The following GALNT13 variants were observed in gnomAD, a reference collection of about 807,000 sequenced individuals.
GALNT13 encodes polypeptide N-acetylgalactosaminyltransferase 13, also known as UDP-GalNAc:polypeptide N-acetylgalactosaminyltransferase 13.
In GALNT13, 28 loss-of-function variants were observed where a neutral mutation model predicts 64.2. The observed-to-expected ratio is 0.44, with a 90% CI of 0.32 to 0.60. The LOEUF is 0.60. Among genes scored for constraint, GALNT13 ranks in the 20% least tolerant of loss-of-function variants. The pLI, the probability that GALNT13 is intolerant of heterozygous loss-of-function variation, is 0.05. For missense variants in GALNT13, 577 were observed against 669.8 expected, an observed-to-expected ratio of 0.86 and a Z score of 1.53; for synonymous variants, 214 against 224.6, an observed-to-expected ratio of 0.95 and a Z score of 0.42.
chr2:153,859,092 T>C, the GALNT13 span, among the ~76,000 whole-genome samples: 3 of 152,276 alleles, frequency 2.0e-5, no homozygotes, highest in Admixed American at 2.0e-4. Flanking sequence ...CACGCAACCA[T>C]TGGAGGTCTT....
intron 11 of GALNT13, among the ~76,000 whole-genome samples, chr2:154,416,889 G>A (rs1188972736): frequency 6.6e-6 from 1 of 152,120 alleles, no homozygotes; most frequent in Admixed American, 6.6e-5. Context: ...AGGCGTCAAA[G>A]TTGTACCATA....
chr2:154,272,601 T>A (rs1217043148), intron 8 of GALNT13, among the ~76,000 whole-genome samples: 3 of 152,106 alleles, frequency 2.0e-5, no homozygotes, highest in Non-Finnish European at 4.4e-5. Flanking sequence ...ATATGAAGAA[T>A]GTTAATGTGC....
the GALNT13 span, among the ~76,000 whole-genome samples, chr2:153,163,825 C>T: frequency 6.6e-6 from 1 of 152,054 alleles, no homozygotes; most frequent in Admixed American, 6.5e-5. Context: ...CGAGACCATC[C>T]TGGCTAACAC....
chr2:153,259,133 T>C, the GALNT13 span, among the ~76,000 whole-genome samples: 1 of 152,196 alleles, frequency 6.6e-6, no homozygotes, highest in Non-Finnish European at 1.5e-5. Context: ...ATATTTAAAA[T>C]TGTTATGTCC....
chr2:154,034,317 AG>A (rs1172272787), intron 3 of GALNT13, among the ~76,000 whole-genome samples: 1 of 152,226 alleles, frequency 6.6e-6, no homozygotes, highest in Non-Finnish European at 1.5e-5. Flanking sequence ...ATACACACAC[AG>A]GGTAACAAAC....
At chr2:153,922,150 G>A (rs1271543978) in intron 2 of GALNT13, among the ~76,000 whole-genome samples, 1 of 152,110 alleles carries the variant, frequency 6.6e-6, no homozygotes, top group Non-Finnish European at 1.5e-5. Flanking sequence ...GAGTAGAGCT[G>A]AATGGATGTG....
chr2:153,099,643 G>A, the GALNT13 span, among the ~76,000 whole-genome samples: 1 of 152,262 alleles, frequency 6.6e-6, no homozygotes, highest in Admixed American at 6.5e-5. Flanking sequence ...CAAGATGTGG[G>A]TAAATTATAG....
chr2:153,658,084 A>C, the GALNT13 span, among the ~76,000 whole-genome samples: 1 of 152,120 alleles, frequency 6.6e-6, no homozygotes, highest in Non-Finnish European at 1.5e-5. Context: ...TGTCTGACTC[A>C]TTCAAGACCC....
chr2:153,130,086 G>A, the GALNT13 span, among the ~76,000 whole-genome samples: 1 of 152,106 alleles, frequency 6.6e-6, no homozygotes, highest in African/African-American at 2.4e-5. Context: ...AATACCAAGT[G>A]CATCAGCGAA....
chr2:153,573,650 G>A, the GALNT13 span, among the ~76,000 whole-genome samples: 1 of 151,960 alleles, frequency 6.6e-6, no homozygotes, highest in Non-Finnish European at 1.5e-5. Context: ...GATACTATGT[G>A]ATAACACATT....
At chr2:153,888,197 A>G (rs2105260449) in intron 1 of GALNT13, among the ~76,000 whole-genome samples, 1 of 152,126 alleles carries the variant, frequency 6.6e-6, no homozygotes, top group Non-Finnish European at 1.5e-5. Context: ...GCTGGTGGGA[A>G]TTTAATGATG....
chr2:153,929,976 A>G (rs1690403967), intron 2 of GALNT13, among the ~76,000 whole-genome samples: 1 of 152,112 alleles, frequency 6.6e-6, no homozygotes, highest in African/African-American at 2.4e-5. Flanking sequence ...CAGTGTATAA[A>G]CATTCCCTTT....
At chr2:153,502,884 C>G in the GALNT13 span, among the ~76,000 whole-genome samples, 1 of 151,876 alleles carries the variant, frequency 6.6e-6, no homozygotes, top group South Asian at 2.1e-4. Flanking sequence ...TGTATGTCTT[C>G]TTTTGAGAAT....
At chr2:153,688,838 T>A in the GALNT13 span, among the ~76,000 whole-genome samples, 1 of 152,062 alleles carries the variant, frequency 6.6e-6, no homozygotes, top group South Asian at 2.1e-4. Context: ...TATTGTTTTA[T>A]CTTGATGAAT....
intron 3 of GALNT13, among the ~76,000 whole-genome samples, chr2:154,027,085 A>C (rs1334032093): frequency 6.6e-6 from 1 of 152,176 alleles, no homozygotes; most frequent in Non-Finnish European, 1.5e-5. Flanking sequence ...GAAGATTCAA[A>C]AGTATTAAAT....
Position 154,349,568 on chromosome 2 carries a change from A to G in GALNT13, c.1157-46423A>G, listed in dbSNP as rs144386332. Among the ~76,000 whole-genome samples the G allele has an allele frequency of 2.5e-4, 38 of 152,352 alleles. No homozygotes were observed. The East Asian group carries it at 2.9e-3, about 12-fold the overall frequency. Reference sequence around the variant, plus strand: ...TCAAACATTAAAGCTGCCACAAGTCATCTTTTAGTATGTGGATGAGCATGG... The same window carrying G: ...TCAAACATTAAAGCTGCCACAAGTCGTCTTTTAGTATGTGGATGAGCATGG... On this transcript the variant is annotated intron_variant, in intron 9 of 12. Coordinates refer to ENST00000392825, the MANE Select transcript of GALNT13 (RefSeq NM_052917.4).
At chr2:153,665,868 T>G in the GALNT13 span, among the ~76,000 whole-genome samples, 1 of 152,104 alleles carries the variant, frequency 6.6e-6, no homozygotes, top group Non-Finnish European at 1.5e-5. Flanking sequence ...GGAACAGGAC[T>G]CCAGGCAGTG....
the GALNT13 span, among the ~76,000 whole-genome samples, chr2:153,222,190 A>G: frequency 6.6e-6 from 1 of 150,378 alleles, no homozygotes; most frequent in African/African-American, 2.4e-5. Flanking sequence ...TGAAGTGGGT[A>G]GCTCCTTTCC....
intron 2 of GALNT13, among the ~76,000 whole-genome samples, chr2:153,939,873 A>G (rs1220094396): frequency 6.6e-6 from 1 of 152,160 alleles, no homozygotes; most frequent in African/African-American, 2.4e-5. Flanking sequence ...GAGTAGGAAA[A>G]CCAAGGCATT....
Sources: allele counts gnomAD v4.1 joint callset (sites outside exome capture counted in the v4.1 genomes callset), GRCh38; gene constraint gnomAD v4.1.1; transcripts MANE v1.5; gene names NCBI Gene and HGNC (gene_info 2026-07-23, HGNC 2026-07-21).